The following NKAIN2 variants were observed in gnomAD, a reference collection of about 807,000 sequenced individuals.
The protein encoded by NKAIN2 is sodium/potassium transporting ATPase interacting 2.
Under a neutral mutation model 32.6 loss-of-function variants are expected in NKAIN2, and 14 were observed. The ratio of observed to expected loss-of-function variants is 0.43; its 90% CI spans 0.28 to 0.67. The LOEUF (loss-of-function observed/expected upper bound fraction) is 0.67, where lower values mean the gene tolerates loss of function less well. Ranked by LOEUF, NKAIN2 falls within the 30% of genes least tolerant of loss-of-function variation. The probability of loss-of-function intolerance (pLI) is 0.17; values close to 1 mark genes in which losing one functional copy is unlikely to be tolerated. For synonymous variants in NKAIN2, 80 were observed against 87.2 expected (o/e 0.92, Z 0.46); for missense variants, 198 against 258.3 (o/e 0.77, Z 1.60).
chr6:124,367,871 A>G (rs2014228), intron 3 of NKAIN2, among the ~76,000 whole-genome samples: 22,358 of 152,086 alleles, frequency 0.15, 2,102 homozygotes, highest in Admixed American at 0.26. Flanking sequence ...TTAATAGGAA[A>G]TAATTCTTAT....
chr6:124,143,651 C>T (rs924113753), intron 1 of NKAIN2, among the ~76,000 whole-genome samples: 1 of 152,036 alleles, frequency 6.6e-6, no homozygotes, highest in African/African-American at 2.4e-5. Flanking sequence ...TGCCACCACA[C>T]CCATGTATTC....
At chr6:124,809,196 C>A (rs1339260245) in intron 5 of NKAIN2, among the ~76,000 whole-genome samples, 1 of 151,850 alleles carries the variant, frequency 6.6e-6, no homozygotes, top group East Asian at 1.9e-4. Flanking sequence ...GCCAAAAGAA[C>A]AAAGCTGGAG....
intron 3 of NKAIN2, among the ~76,000 whole-genome samples, chr6:124,372,980 A>C (rs757104996): frequency 2.6e-5 from 4 of 152,174 alleles, no homozygotes; most frequent in African/African-American, 4.8e-5. Flanking sequence ...GTATGATATG[A>C]TTCAAATTAT....
At chr6:123,950,862 TC>T (rs35145143) in intron 1 of NKAIN2, among the ~76,000 whole-genome samples, 7 of 151,996 alleles carry the variant, frequency 4.6e-5, no homozygotes, top group Non-Finnish European at 4.4e-5. Flanking sequence ...CTTTTGTAGT[TC>T]CTTGAAGGGT....
At chr6:124,346,787 C>T (rs1798445527) in intron 2 of NKAIN2, among the ~76,000 whole-genome samples, 1 of 151,832 alleles carries the variant, frequency 6.6e-6, no homozygotes, top group South Asian at 2.1e-4. Flanking sequence ...ACTCTTTATC[C>T]TATTTGCCAG....
At chr6:123,850,353 A>AT (rs1364265998) in intron 1 of NKAIN2, among the ~76,000 whole-genome samples, 340 of 101,660 alleles carry the variant, frequency 3.3e-3, no homozygotes, top group Middle Eastern at 4.8e-3. Context: ...AAAAAAAAAA[A>AT]AAATATATAT....
intron 1 of NKAIN2, among the ~76,000 whole-genome samples, chr6:123,831,628 C>T (rs1374805930): frequency 2.0e-5 from 3 of 150,406 alleles, no homozygotes; most frequent in Non-Finnish European, 3.0e-5. Flanking sequence ...TCTTCCACAT[C>T]AGAGTGGTAC....
At chr6:124,290,886 T>G (rs926266343) in intron 2 of NKAIN2, among the ~76,000 whole-genome samples, 8 of 152,104 alleles carry the variant, frequency 5.3e-5, no homozygotes, top group Non-Finnish European at 1.0e-4. Flanking sequence ...AATGCAATGT[T>G]CTTCTTCCCT....
At chr6:123,856,263 A>T (rs1327262892) in intron 1 of NKAIN2, among the ~76,000 whole-genome samples, 1 of 152,178 alleles carries the variant, frequency 6.6e-6, no homozygotes, top group Non-Finnish European at 1.5e-5. Context: ...TAACTCCAAC[A>T]TTATGGATAT....
chr6:124,348,726 G>A (rs1798568403), intron 2 of NKAIN2, among the ~76,000 whole-genome samples: 1 of 152,214 alleles, frequency 6.6e-6, no homozygotes, highest in Non-Finnish European at 1.5e-5. Context: ...ATCTCACTAG[G>A]GAGTGCCAGA....
At chr6:124,474,882 T>TACA (rs1333562260) in intron 3 of NKAIN2, among the ~76,000 whole-genome samples, 211 of 144,192 alleles carry the variant, frequency 1.5e-3, no homozygotes, top group East Asian at 2.8e-3. Context: ...ATATTGTATA[T>TACA]TATATATTAT....
chr6:124,036,223 C>T (rs923478280), intron 1 of NKAIN2, among the ~76,000 whole-genome samples: 12 of 152,188 alleles, frequency 7.9e-5, no homozygotes, highest in Admixed American at 2.0e-4. Flanking sequence ...GTATGGTTGT[C>T]GAGGACATGA....
chr6:123,842,056 G>A (rs1774894466), intron 1 of NKAIN2, among the ~76,000 whole-genome samples: 1 of 152,156 alleles, frequency 6.6e-6, no homozygotes, highest in South Asian at 2.1e-4. Context: ...AGGAGTATCT[G>A]TCTACCAACA....
At chr6:124,768,396 A>C (rs1274465543) in intron 4 of NKAIN2, among the ~76,000 whole-genome samples, 1 of 152,190 alleles carries the variant, frequency 6.6e-6, no homozygotes, top group Non-Finnish European at 1.5e-5. Context: ...CAGCCATCTC[A>C]GCTAAGTTCT....
intron 3 of NKAIN2, among the ~76,000 whole-genome samples, chr6:124,393,794 C>A (rs1773244250): frequency 6.6e-6 from 1 of 152,126 alleles, no homozygotes; most frequent in Non-Finnish European, 1.5e-5. Context: ...ACAAAAGGAA[C>A]CATGTTTTAT....
chr6:124,721,424 A>C (rs1012445500), intron 4 of NKAIN2, among the ~76,000 whole-genome samples: 20 of 151,746 alleles, frequency 1.3e-4, no homozygotes, highest in African/African-American at 4.6e-4. Context: ...AAAAAAAAGA[A>C]AGAAATATGA....
At chr6:123,939,452 T>C (rs1352717975) in intron 1 of NKAIN2, among the ~76,000 whole-genome samples, 1 of 151,980 alleles carries the variant, frequency 6.6e-6, no homozygotes, top group East Asian at 1.9e-4. Context: ...GCAATACTTA[T>C]GGTAGTTTCT....
intron 5 of NKAIN2, among the ~76,000 whole-genome samples, chr6:124,802,283 AT>A (rs1381005817): frequency 4.6e-5 from 7 of 152,322 alleles, no homozygotes; most frequent in Middle Eastern, 3.4e-3. Flanking sequence ...TTCTAAATAT[AT>A]TCTGGATGTC....
chr6:123,831,907 G>C (rs1774401070), intron 1 of NKAIN2, among the ~76,000 whole-genome samples: 1 of 152,110 alleles, frequency 6.6e-6, no homozygotes, highest in Non-Finnish European at 1.5e-5. Flanking sequence ...GCCCGCCTCG[G>C]CCTTGCAAAG....
Sources: allele counts gnomAD v4.1 joint callset (sites outside exome capture counted in the v4.1 genomes callset), GRCh38; gene constraint gnomAD v4.1.1; transcripts MANE v1.5; gene names NCBI Gene and HGNC (gene_info 2026-07-23, HGNC 2026-07-21).